The following SCARA3 variants were observed in gnomAD, a reference collection of about 807,000 sequenced individuals.
SCARA3 encodes the protein scavenger receptor class A member 3, also known as cellular stress response gene protein.
Under a neutral mutation model 47.0 loss-of-function variants are expected in SCARA3, and 39 were observed. That is an observed-to-expected ratio of 0.83 (90% CI 0.64 to 1.08). The LOEUF is 1.08. Among genes scored for constraint, SCARA3 ranks in the 50% least tolerant of loss-of-function variants. SCARA3 has a pLI of 0.00. For missense variants in SCARA3, 724 were observed against 792.3 expected, an observed-to-expected ratio of 0.91 and a Z score of 1.04; for synonymous variants, 356 against 334.1, an observed-to-expected ratio of 1.07 and a Z score of -0.71.
the SCARA3 span, chr8:27,701,304 G>A: frequency 6.6e-5 from 10 of 152,140 alleles, no homozygotes; most frequent in Non-Finnish European, 8.8e-5. Flanking sequence ...AAGAGAAATA[G>A]GGAAGTTTCT....
In SCARA3 at chr8:27,672,472, G is replaced by C; in HGVS notation, c.*1121G>C. ...TCCTCTGGAGTGGTGGGGAGGATTA[G>C]GCTGCAGAAGGGCCAACCCCTTGCA... On this transcript the variant is annotated 3_prime_UTR_variant, in exon 6 of 6. Transcript: ENST00000301904. 1.0e-6 allele frequency: 1 copy of C among 985,626 alleles called. No individual in the cohort carries two copies. The highest frequency in any genetic ancestry group is 1.2e-6 in the Non-Finnish European group (1 of 830,068). 61.1% of individuals were successfully genotyped at this position (985,626 alleles called of 1,614,324 possible).
intron 1 of SCARA3, among the ~76,000 whole-genome samples, chr8:27,639,400 A>G (rs1462598986): frequency 6.6e-6 from 1 of 152,174 alleles, no homozygotes; most frequent in Non-Finnish European, 1.5e-5. Context: ...CAAGTTGGGC[A>G]GTTCAGAAAG....
Position 27,671,323 on chromosome 8 carries a change from G to T in SCARA3, c.1793G>T (p.Gly598Val), listed in dbSNP as rs1802150850. Residue 598 changes from glycine (G) to valine (V), a missense_variant, in exon 6 of 6, where the codon GGT becomes GTT. Coordinates refer to ENST00000301904, the MANE Select transcript of SCARA3 (RefSeq NM_016240.3). ...CCCCCTGGTCTCCCGGGGCCTCCAG[G>T]TCCACCAGGAAGCCAGAGCTTCTAC... is the stretch of plus-strand genomic sequence containing the variant. ...QGPPGLPGPP[G>V]PPGSQSFY 3.5e-6 allele frequency: 5 copies of T among 1,426,806 alleles called. No individual in the cohort carries two copies. The highest frequency in any genetic ancestry group is 4.6e-6 in the Non-Finnish European group (5 of 1,090,444). The allele number at this position is 1,426,806 out of a possible 1,614,324, so 88.4% of individuals were successfully genotyped here. A position where few individuals can be genotyped will look rare whatever the true frequency, so the allele number is the denominator to read the frequency against.
downstream of SCARA3, chr8:27,680,042 G>A (rs539116819): frequency 2.6e-5 from 4 of 152,100 alleles, no homozygotes; most frequent in African/African-American, 9.6e-5. Flanking sequence ...GGATAGTATT[G>A]CAAACATAAC....
downstream of SCARA3, among the ~76,000 whole-genome samples, chr8:27,677,374 C>G (rs1802294772): frequency 6.6e-6 from 1 of 152,208 alleles, no homozygotes; most frequent in Non-Finnish European, 1.5e-5. Flanking sequence ...AGAAGGAGCT[C>G]AGATATCTGC....
chr8:27,649,191 T>C (rs1801576258), intron 1 of SCARA3, among the ~76,000 whole-genome samples: 1 of 151,968 alleles, frequency 6.6e-6, no homozygotes, highest in Non-Finnish European at 1.5e-5. Flanking sequence ...CTAGGTGAGA[T>C]TGTGTGAAGC....
chr8:27,640,473 C>T (rs758976290), intron 1 of SCARA3, among the ~76,000 whole-genome samples: 1 of 152,082 alleles, frequency 6.6e-6, no homozygotes, highest in Non-Finnish European at 1.5e-5. Flanking sequence ...GCAGCCTTGA[C>T]CTCCTGGGCT....
chr8:27,669,803 A>C (rs1392040903), intron 5 of SCARA3, among the ~76,000 whole-genome samples: 1 of 152,082 alleles, frequency 6.6e-6, no homozygotes, highest in African/African-American at 2.4e-5. Context: ...ACTTAGAAAC[A>C]CTCTGGGAAG....
intron 1 of SCARA3, among the ~76,000 whole-genome samples, chr8:27,645,600 G>C (rs1274175010): frequency 6.6e-6 from 1 of 152,236 alleles, no homozygotes; most frequent in African/African-American, 2.4e-5. Context: ...ACCTCTCTGA[G>C]CCTTTGTGAC....
intron 1 of SCARA3, among the ~76,000 whole-genome samples, chr8:27,647,671 G>C (rs1419614313): frequency 1.3e-5 from 2 of 152,224 alleles, no homozygotes; most frequent in African/African-American, 4.8e-5. Context: ...CTCCTAGGGA[G>C]AGCACAGAGC....
At chr8:27,691,922 A>G in the SCARA3 span, among the ~76,000 whole-genome samples, 1 of 152,190 alleles carries the variant, frequency 6.6e-6, no homozygotes, top group South Asian at 2.1e-4. Flanking sequence ...CTACTTCCCT[A>G]TGTATCTCCT....
intron 5 of SCARA3, 125 bp downstream of exon 5, chr8:27,659,664 C>T (rs1324955763): frequency 3.9e-6 from 3 of 766,646 alleles, no homozygotes; most frequent in Non-Finnish European, 6.1e-6. Flanking sequence ...ATAGCAAATG[C>T]CTACAGCAGT....
chr8:27,716,321 C>CTT, the SCARA3 span, among the ~76,000 whole-genome samples: 3 of 150,790 alleles, frequency 2.0e-5, no homozygotes, highest in South Asian at 2.1e-4. Flanking sequence ...ATAAATATCT[C>CTT]TTTATATATA....
the SCARA3 span, among the ~76,000 whole-genome samples, chr8:27,711,327 C>A: frequency 1.3e-5 from 2 of 152,186 alleles, no homozygotes; most frequent in Non-Finnish European, 2.9e-5. Context: ...TGCATCTTCA[C>A]TTACTAGCTG....
chr8:27,636,455 TA>T (rs945533220), intron 1 of SCARA3, among the ~76,000 whole-genome samples: 1 of 151,982 alleles, frequency 6.6e-6, no homozygotes, highest in Non-Finnish European at 1.5e-5. Flanking sequence ...AGAATTTATT[TA>T]AAAAAAGAGG....
At chr8:27,715,831 TA>T in the SCARA3 span, among the ~76,000 whole-genome samples, 1 of 93,312 alleles carries the variant, frequency 1.1e-5, no homozygotes, top group African/African-American at 4.5e-5. This position sits in a 1 kb window ranked among gnomAD's most constrained non-coding sequence, Gnocchi z 4.2. Flanking sequence ...AGATGATAGA[TA>T]GATAGATAGA....
chr8:27,726,048 C>T, the SCARA3 span, among the ~76,000 whole-genome samples: 9 of 152,140 alleles, frequency 5.9e-5, no homozygotes, highest in East Asian at 1.9e-4. Context: ...TTTAGGGAGT[C>T]GCAGAGGTCA....
chr8:27,684,417 G>A, the SCARA3 span, among the ~76,000 whole-genome samples: 7 of 152,222 alleles, frequency 4.6e-5, no homozygotes, highest in African/African-American at 1.7e-4. Context: ...TGGGTGCTGT[G>A]GCCCACGCCT....
the SCARA3 span, among the ~76,000 whole-genome samples, chr8:27,726,080 C>A: frequency 6.6e-6 from 1 of 152,142 alleles, no homozygotes; most frequent in African/African-American, 2.4e-5. Context: ...GCTAAGATGA[C>A]CCTTAAAGTC....
Sources: gnomAD v4.1 joint callset for allele counts (sites outside exome capture counted in the v4.1 genomes callset) on GRCh38, gnomAD v4.1.1 for gene constraint, Gnocchi (gnomAD v3.1) non-coding constraint, MANE v1.5 for transcripts, NCBI Gene and HGNC (gene_info 2026-07-23, HGNC 2026-07-21) for gene names.